Variants in HEG1 observed in about 807,000 individuals in gnomAD.
HEG1 encodes the protein heart development protein with EGF like domains 1.
Under a neutral mutation model 125.6 loss-of-function variants are expected in HEG1, and 56 were observed. The observed-to-expected ratio is 0.45, with a 90% CI of 0.36 to 0.56. The LOEUF (loss-of-function observed/expected upper bound fraction) is 0.56, where lower values mean the gene tolerates loss of function less well. Ranked by LOEUF, HEG1 falls within the 20% of genes least tolerant of loss-of-function variation. The probability of loss-of-function intolerance (pLI) is 0.00; values close to 1 mark genes in which losing one functional copy is unlikely to be tolerated. For missense variants in HEG1, 1,523 were observed against 1,670.0 expected (o/e 0.91, Z 1.53); for synonymous variants, 644 against 668.5 (o/e 0.96, Z 0.57).
chr3:124,991,078 A>T (rs1936826006), intron 12 of HEG1, 92 bp from the exon 13 acceptor site: 1 of 923,868 alleles, frequency 1.1e-6, no homozygotes, highest in African/African-American at 1.7e-5. Flanking sequence ...AGTCCACAAG[A>T]TTATTCTAGT....
intron 1 of HEG1, among the ~76,000 whole-genome samples, chr3:125,038,977 T>C (rs1937570533): frequency 6.6e-6 from 1 of 152,170 alleles, no homozygotes; most frequent in Non-Finnish European, 1.5e-5. Flanking sequence ...GCTTCGCAGA[T>C]GGTCAGAGAC....
chr3:125,054,936 C>T (rs1423311122), intron 1 of HEG1, among the ~76,000 whole-genome samples: 1 of 152,090 alleles, frequency 6.6e-6, no homozygotes, highest in Non-Finnish European at 1.5e-5. Flanking sequence ...CTGCGTGGGA[C>T]AGGCGGTGGC....
chr3:125,006,995 C>T (rs574898164), intron 8 of HEG1, among the ~76,000 whole-genome samples: 2 of 151,836 alleles, frequency 1.3e-5, no homozygotes, highest in Admixed American at 6.6e-5. Flanking sequence ...GTCAGGAGAT[C>T]GAGACCATCC....
intron 15 of HEG1, among the ~76,000 whole-genome samples, chr3:124,975,029 C>T (rs1450779308): frequency 2.0e-5 from 3 of 152,222 alleles, no homozygotes; most frequent in Non-Finnish European, 2.9e-5. Context: ...GTCCCTTGAG[C>T]GCTCAGGTTA....
At position 125,012,898 on chromosome 3, in the gene HEG1, G is replaced by A; in HGVS notation, c.2681C>T (p.Ser894Leu). 6.2e-7 allele frequency: 1 copy of A among 1,614,050 alleles called. No homozygotes were observed. The highest frequency in any genetic ancestry group is 8.5e-7 in the Non-Finnish European group (1 of 1,179,902). Residue 894 changes from serine to leucine, a missense_variant, in exon 6 of 17, where the codon TCA becomes TTA. By Grantham distance (145) the Ser-to-Leu change is moderately radical. Coordinates refer to ENST00000311127, the MANE Select transcript of HEG1 (RefSeq NM_020733.2). ...THPEILVPQI[S>L]TEGGISTERN... is the part of the protein sequence containing the mutation. ...TTCTGTGCTGATGCCACCTTCTGTT[G>A]AGATTTGAGGAACTAGTATTTCAGG...
chr3:124,990,738 CAG>C (rs1936819158), intron 14 of HEG1, 47 bp downstream of exon 14: 1 of 1,539,746 alleles, frequency 6.5e-7, no homozygotes, highest in African/African-American at 1.4e-5. Context: ...GCACTAACAA[CAG>C]GGCCAGGCCC....
intron 8 of HEG1, among the ~76,000 whole-genome samples, chr3:125,009,242 G>A (rs781281860): frequency 4.0e-5 from 6 of 149,886 alleles, no homozygotes; most frequent in African/African-American, 7.5e-5. Context: ...TGTGAATGTG[G>A]TAGGACAATC....
intron 14 of HEG1, among the ~76,000 whole-genome samples, chr3:124,979,586 G>A (rs1468832176): frequency 2.6e-5 from 4 of 152,042 alleles, no homozygotes; most frequent in African/African-American, 9.7e-5. Context: ...TTTGGTTGTG[G>A]AAATACAAGA....
At chr3:125,038,422 ATC>A (rs1403468227) in intron 1 of HEG1, among the ~76,000 whole-genome samples, 4 of 152,132 alleles carry the variant, frequency 2.6e-5, no homozygotes, top group Non-Finnish European at 5.9e-5. Context: ...GTACCCCTCT[ATC>A]TCTCTTATTG....
intron 14 of HEG1, among the ~76,000 whole-genome samples, chr3:124,978,713 A>G (rs555931322): frequency 6.6e-6 from 1 of 152,022 alleles, no homozygotes; most frequent in Non-Finnish European, 1.5e-5. Context: ...TTATTAAAGT[A>G]ATGGATGGGT....
intron 1 of HEG1, among the ~76,000 whole-genome samples, chr3:125,053,241 C>A (rs1937854446): frequency 6.6e-6 from 1 of 152,194 alleles, no homozygotes; most frequent in South Asian, 2.1e-4. Context: ...GACCTTGCTG[C>A]CTTGTGAAAT....
chr3:125,013,193 G>A lies in HEG1; in HGVS notation c.2386C>T (p.Pro796Ser), dbSNP rs746764228. 1.9e-6 allele frequency: 3 copies of A among 1,613,878 alleles called. No homozygotes were observed. Among genetic ancestry groups the A allele is most frequent in the Non-Finnish European group, 2.5e-6 (3 of 1,179,892 alleles). The change falls in exon 6 of 17, where the codon CCA becomes TCA. Residue 796 changes from proline to serine, a missense_variant. Physicochemically the swap from Pro to Ser is moderately conservative, Grantham distance 74. Coordinates refer to ENST00000311127, the MANE Select transcript of HEG1 (RefSeq NM_020733.2). ...TCTGTGGGCAGAGACACCAGGCTTG[G>A]TGACTTTGATTCTGTAATGACTTTC... is the stretch of plus-strand genomic sequence containing the variant. ...QEKVITESKS[P>S]SLVSLPTEST...
chr3:125,027,550 C>A, intron 2 of HEG1, 43 bp from the exon 3 acceptor site: 1 of 1,512,250 alleles, frequency 6.6e-7, no homozygotes, highest in South Asian at 1.3e-5. Context: ...CAGCAGACTT[C>A]AAAATGTCTT....
At chr3:125,000,061 T>C (rs1296169371) in intron 11 of HEG1, among the ~76,000 whole-genome samples, 1 of 152,172 alleles carries the variant, frequency 6.6e-6, no homozygotes, top group African/African-American at 2.4e-5. Context: ...AAGGTTAGCA[T>C]GAGACCAGGC....
intron 15 of HEG1, 125 bp downstream of exon 15, chr3:124,977,734 G>T: frequency 2.0e-6 from 1 of 492,044 alleles, no homozygotes. Context: ...TTTTAAAAAT[G>T]GGTTAGTCAC....
intron 5 of HEG1, among the ~76,000 whole-genome samples, chr3:125,017,147 C>T (rs1191879486): frequency 1.3e-5 from 2 of 151,934 alleles, no homozygotes; most frequent in East Asian, 3.9e-4. Flanking sequence ...CTCCACCTCA[C>T]AGGTTCAAGT....
chr3:125,013,746 G>C lies in HEG1; in HGVS notation c.1833C>G (p.Ile611Met), dbSNP rs758344982. 4 of 1,613,864 alleles carry C rather than the reference G, an allele frequency of 2.5e-6. No homozygotes were observed. The highest frequency in any genetic ancestry group is 1.6e-4 in the Middle Eastern group (1 of 6,084). ...FFHAQTERSN[I>M]SSYDGEYAQP... ...GAGCATATTCCCCGTCATAGGATGA[G>C]ATGTTACTTCTCTCAGTCTGAGCAT... is the stretch of plus-strand genomic sequence containing the variant. The change falls in exon 6 of 17, where the codon ATC becomes ATG. Residue 611 changes from isoleucine to methionine, a missense_variant. Ile to Met is a conservative substitution (Grantham distance 10). Transcript: ENST00000311127.
chr3:125,031,832 G>A (rs57774577), intron 1 of HEG1, among the ~76,000 whole-genome samples: 74,340 of 150,718 alleles, frequency 0.49, 18,575 homozygotes, highest in Middle Eastern at 0.65. Flanking sequence ...ACACACACAC[G>A]CACACACACA....
intron 11 of HEG1, among the ~76,000 whole-genome samples, chr3:125,000,595 T>C (rs1299954041): frequency 1.3e-5 from 2 of 151,482 alleles, no homozygotes; most frequent in African/African-American, 2.4e-5. Flanking sequence ...TCAGAAAGTT[T>C]AGCTTTTTTT....
Sources: gnomAD v4.1 joint callset for allele counts (sites outside exome capture counted in the v4.1 genomes callset) on GRCh38, gnomAD v4.1.1 for gene constraint, MANE v1.5 for transcripts, NCBI Gene and HGNC (gene_info 2026-07-23, HGNC 2026-07-21) for gene names.